ZSCAN5B: variants seen among roughly 807,000 people sequenced by gnomAD.
The protein encoded by ZSCAN5B is zinc finger and SCAN domain containing 5B.
ZSCAN5B carries 26 observed loss-of-function variants against 25.2 expected under a neutral mutation model. The ratio of observed to expected loss-of-function variants is 1.03; its 90% CI spans 0.76 to 1.43. The LOEUF (loss-of-function observed/expected upper bound fraction) is 1.43. ZSCAN5B is among the 40% of genes most tolerant of loss of function. ZSCAN5B has a pLI of 0.00. For synonymous variants in ZSCAN5B, 244 were observed against 240.9 expected, an observed-to-expected ratio of 1.01 and a Z score of -0.12; for missense variants, 745 against 622.1, an observed-to-expected ratio of 1.20 and a Z score of -2.10.
At chr19:56,191,493 A>T (rs1160021759) in intron 3 of ZSCAN5B, among the ~76,000 whole-genome samples, 2 of 152,224 alleles carry the variant, frequency 1.3e-5, no homozygotes, top group Non-Finnish European at 2.9e-5. Flanking sequence ...AGAAATCAAC[A>T]GTCTGAGAAA....
intron 4 of ZSCAN5B, 57 bp downstream of exon 4, chr19:56,190,780 G>A (rs1459308468): frequency 6.3e-7 from 1 of 1,577,580 alleles, no homozygotes; most frequent in African/African-American, 1.4e-5. Context: ...TGGGCCCCCA[G>A]CCCCGCACCC....
At chr19:56,190,335 G>T in exon 5 of ZSCAN5B, 2 of 1,614,172 alleles carry the variant, frequency 1.2e-6, no homozygotes, top group Non-Finnish European at 1.7e-6. Context: ...ATTGATCTCA[G>T]CTTGTCCTGG....
At chr19:56,190,775 C>T (rs917885422) in intron 4 of ZSCAN5B, 62 bp downstream of exon 4, 2 of 1,568,164 alleles carry the variant, frequency 1.3e-6, no homozygotes, top group Non-Finnish European at 1.7e-6. Flanking sequence ...AATGCTGGGC[C>T]CCCAGCCCCG....
intron 1 of ZSCAN5B, among the ~76,000 whole-genome samples, chr19:56,197,383 G>A (rs2122211122): frequency 6.6e-6 from 1 of 152,076 alleles, no homozygotes; most frequent in East Asian, 1.9e-4. Context: ...TATTACGGGC[G>A]CCCGCCACCA....
intron 1 of ZSCAN5B, among the ~76,000 whole-genome samples, chr19:56,194,154 T>G (rs2032777400): frequency 6.6e-6 from 1 of 152,034 alleles, no homozygotes; most frequent in African/African-American, 2.4e-5. Flanking sequence ...AATTACCTCC[T>G]GCCCCAACCC....
At position 56,191,831 on chromosome 19, in the gene ZSCAN5B, C is replaced by T. The variant is rs1175163109; in HGVS notation, c.588+19G>A. The T allele has an allele frequency of 3.7e-6, 6 of 1,611,700 alleles. No homozygotes were observed. The highest frequency in any genetic ancestry group is 5.1e-6 in the Non-Finnish European group (6 of 1,178,424). Reference sequence around the variant, plus strand: ...CCTTCTCCCACCTCTGCCCAGACACCAAGGCCTCACACACTCACCTGCCTC... The same window carrying T: ...CCTTCTCCCACCTCTGCCCAGACACTAAGGCCTCACACACTCACCTGCCTC... On this transcript the variant is annotated intron_variant, in intron 3 of 4. Coordinates refer to ENST00000586855, the Ensembl canonical transcript of ZSCAN5B.
Position 56,190,920 on chromosome 19 carries a change from T to G in ZSCAN5B, c.656A>C (p.Gln219Pro), listed in dbSNP as rs371929091. ...TTCCTTCAGATCCTTCTCCAAGGTCTGCTTGGGTCTCGGAGAGTTTGGGTC... is the reference window on the plus strand; with the variant it reads ...TTCCTTCAGATCCTTCTCCAAGGTCGGCTTGGGTCTCGGAGAGTTTGGGTC... The change falls in exon 4 of 5, where the codon CAG becomes CCG. Residue 219 changes from glutamine (Q) to proline (P), a missense_variant. Physicochemically the swap from Gln to Pro is moderately conservative, Grantham distance 76. Transcript: ENST00000586855. 5.0e-6 allele frequency: 8 copies of G among 1,614,180 alleles called. No individual in the cohort carries two copies. In the South Asian group the frequency reaches 7.7e-5, roughly 16 times the overall value.
chr19:56,197,297 CG>C (rs1568587313), intron 1 of ZSCAN5B, among the ~76,000 whole-genome samples: 4 of 151,320 alleles, frequency 2.6e-5, no homozygotes, highest in South Asian at 2.1e-4. Context: ...CTCAGTCTCC[CG>C]AATAGCGGGT....
At position 56,190,745 on chromosome 19, in the gene ZSCAN5B, C is replaced by A. The variant is rs377017033; in HGVS notation, c.739+92G>T. ...TGGAGGAGAGATTTTGGCAGCTGAT[C>A]GCCAGCCCCAGGGGATGATAATGCT... On this transcript the variant is annotated intron_variant, in intron 4 of 4. Transcript: ENST00000586855. The A allele has an allele frequency of 1.2e-5, 18 of 1,546,816 alleles. No homozygotes were observed. In the South Asian group the frequency reaches 1.7e-4, roughly 14 times the overall value.
At chr19:56,196,918 T>C (rs1463208812) in intron 1 of ZSCAN5B, among the ~76,000 whole-genome samples, 5 of 152,106 alleles carry the variant, frequency 3.3e-5, no homozygotes, top group Non-Finnish European at 7.4e-5. Context: ...GGCGGGCAGA[T>C]TGCTTGAGCC....
chr19:56,189,824 G>A (rs1400230610), exon 5 of ZSCAN5B: 1 of 1,602,038 alleles, frequency 6.2e-7, no homozygotes, highest in Admixed American at 1.7e-5. Context: ...CCTGACTCTG[G>A]AATCACTGGG....
exon 5 of ZSCAN5B, chr19:56,190,141 A>C (rs1348135040): frequency 3.1e-6 from 5 of 1,613,930 alleles, no homozygotes; most frequent in African/African-American, 2.7e-5. Flanking sequence ...GGCTGCAAGA[A>C]GCGCTTCCGA....
In ZSCAN5B at chr19:56,193,248, C is replaced by T. The variant is rs1375392431; in HGVS notation, c.-127-69G>A. 5 of 631,442 alleles carry T rather than the reference C, an allele frequency of 7.9e-6. No homozygotes were observed. In the South Asian group the frequency reaches 1.0e-4, roughly 13 times the overall value. 39.1% of individuals were successfully genotyped at this position (631,442 alleles called of 1,614,324 possible). ...CCACACACCCCTCCCTTCCAAATCC[C>T]TCATCCCAATCCTGGACCCCACTTG... is the stretch of plus-strand genomic sequence containing the variant. On this transcript the variant is annotated intron_variant, in intron 1 of 4. Coordinates refer to ENST00000586855, the Ensembl canonical transcript of ZSCAN5B.
chr19:56,193,596 C>T (rs920904604), intron 1 of ZSCAN5B, among the ~76,000 whole-genome samples: 6 of 152,200 alleles, frequency 3.9e-5, no homozygotes, highest in East Asian at 1.9e-4. Flanking sequence ...TTACAACCTA[C>T]GATTGTCCCC....
chr19:56,192,783 C>G, exon 2 of ZSCAN5B: 1 of 1,611,436 alleles, frequency 6.2e-7, no homozygotes, highest in Non-Finnish European at 8.5e-7. Context: ...TCATGAACTG[C>G]TCCATCACCA....
intron 1 of ZSCAN5B, among the ~76,000 whole-genome samples, chr19:56,196,877 C>G (rs143698848): frequency 3.9e-5 from 6 of 152,190 alleles, no homozygotes; most frequent in African/African-American, 1.4e-4. Context: ...TCCCTAAGCG[C>G]CCCTGCTCAG....
exon 5 of ZSCAN5B, chr19:56,190,301 CGCAGGGCCT>C: frequency 6.8e-6 from 11 of 1,614,180 alleles, no homozygotes; most frequent in Non-Finnish European, 9.3e-6. Context: ...TGACCGGGCC[CGCAGGGCCT>C]GGGGAATGAA....
exon 5 of ZSCAN5B, chr19:56,190,377 C>T (rs761699319): frequency 6.8e-6 from 11 of 1,613,956 alleles, no homozygotes; most frequent in South Asian, 1.1e-5. Flanking sequence ...TGTGGCTTCT[C>T]CTTGAGGCTC....
exon 2 of ZSCAN5B, chr19:56,193,170 G>A: frequency 8.1e-7 from 1 of 1,236,126 alleles, no homozygotes; most frequent in Non-Finnish European, 1.1e-6. Context: ...TTCACAGTTT[G>A]TTCAGAAGTC....
Sources: allele counts gnomAD v4.1 joint callset (sites outside exome capture counted in the v4.1 genomes callset), GRCh38; gene constraint gnomAD v4.1.1; transcripts MANE v1.5; gene names NCBI Gene and HGNC (gene_info 2026-07-23, HGNC 2026-07-21).